TTC7B: variants seen among roughly 807,000 people sequenced by gnomAD.
TTC7B encodes tetratricopeptide repeat protein 7B.
Under a neutral mutation model 106.8 loss-of-function variants are expected in TTC7B, and 28 were observed. That is an observed-to-expected ratio of 0.26 (90% CI 0.19 to 0.36). The LOEUF (loss-of-function observed/expected upper bound fraction) is 0.36. Ranked by LOEUF, TTC7B falls within the 10% of genes least tolerant of loss-of-function variation. The pLI is 1.00. For synonymous variants in TTC7B, 405 were observed against 430.6 expected, an observed-to-expected ratio of 0.94 and a Z score of 0.74; for missense variants, 862 against 1,076.4, an observed-to-expected ratio of 0.80 and a Z score of 2.79.
intron 3 of TTC7B, among the ~76,000 whole-genome samples, chr14:90,773,580 C>T (rs1178391898): frequency 6.6e-6 from 1 of 152,202 alleles, no homozygotes; most frequent in Non-Finnish European, 1.5e-5. Flanking sequence ...ATGCCAGACT[C>T]TCCATCAGCG....
At position 90,739,706 on chromosome 14, in the gene TTC7B, G is replaced by C. The variant is rs543930771; in HGVS notation, c.576+5086C>G. Among the ~76,000 whole-genome samples the C allele has an allele frequency of 2.0e-5, 3 of 152,274 alleles. No individual in the cohort carries two copies. In the South Asian group the frequency reaches 6.2e-4, roughly 32 times the overall value. On this transcript the variant is annotated intron_variant, in intron 4 of 19. Transcript: ENST00000328459. The stretch of plus-strand genomic sequence containing the variant: ...AGCATTAACTTCTTTTCTAAAATAG[G>C]GTGTAGAGAAATGAACTGTCAGCAG...
chr14:90,566,753 T>C (rs1477294129), intron 19 of TTC7B, among the ~76,000 whole-genome samples: 4 of 152,188 alleles, frequency 2.6e-5, no homozygotes, highest in African/African-American at 9.6e-5. Flanking sequence ...TCTAGAGCCC[T>C]GGAACCCTGG....
intron 19 of TTC7B, among the ~76,000 whole-genome samples, chr14:90,569,007 T>C (rs1890914458): frequency 6.6e-6 from 1 of 152,154 alleles, no homozygotes; most frequent in East Asian, 1.9e-4. Flanking sequence ...CCCCACTCAA[T>C]CCTCTCCACT....
chr14:90,596,294 C>T (rs1040098715), intron 17 of TTC7B, among the ~76,000 whole-genome samples: 11 of 152,154 alleles, frequency 7.2e-5, no homozygotes, highest in Admixed American at 3.3e-4. Flanking sequence ...TTTGGATTAA[C>T]TGTTTTGTTT....
Position 90,678,138 on chromosome 14 carries a change from G to A in TTC7B, c.1015-1478C>T, listed in dbSNP as rs77353109. Among the ~76,000 whole-genome samples the A allele has an allele frequency of 6.9e-3, 1,056 of 152,282 alleles. 10 individuals carry two copies. The highest frequency in any genetic ancestry group is 0.024 in the African/African-American group (1,004 of 41,554). ...ACTAAATGCATTCTTTTCATTTTTA[G>A]AGAAAGTATCAGTATCTTTTGATTA... On this transcript the variant is annotated intron_variant, in intron 8 of 19. Coordinates refer to ENST00000328459, the MANE Select transcript of TTC7B (RefSeq NM_001010854.2).
intron 3 of TTC7B, among the ~76,000 whole-genome samples, chr14:90,763,993 A>G (rs1188564292): frequency 6.6e-6 from 1 of 152,186 alleles, no homozygotes; most frequent in Non-Finnish European, 1.5e-5. Flanking sequence ...TTTATATGAA[A>G]TGTAAGCCAA....
intron 9 of TTC7B, among the ~76,000 whole-genome samples, chr14:90,662,762 T>G (rs1222432879): frequency 6.6e-6 from 1 of 152,246 alleles, no homozygotes; most frequent in Non-Finnish European, 1.5e-5. Flanking sequence ...AGAAACAGGC[T>G]AGTGAGTACT....
At chr14:90,769,993 A>T (rs1890810070) in intron 3 of TTC7B, among the ~76,000 whole-genome samples, 2 of 151,426 alleles carry the variant, frequency 1.3e-5, no homozygotes, top group South Asian at 4.2e-4. Context: ...TACAAAAAAT[A>T]AAAAAATTAG....
rs1237254901 is a variant in TTC7B at position 90,538,192 on chromosome 14, C to T, written c.*3176G>A. Reference sequence around the variant, plus strand: ...TCCACAATGACCCCAGGCAGGTGTCCTGCCGTCTTAGTGTCTAGCGTCTGC... The same window carrying T: ...TCCACAATGACCCCAGGCAGGTGTCTTGCCGTCTTAGTGTCTAGCGTCTGC... On this transcript the variant is annotated 3_prime_UTR_variant, in exon 20 of 20. Coordinates refer to ENST00000328459, the MANE Select transcript of TTC7B (RefSeq NM_001010854.2). 1.3e-5 allele frequency: 2 copies of T among 152,184 alleles called. No individual in the cohort carries two copies. Among genetic ancestry groups the T allele is most frequent in the African/African-American group, 4.8e-5 (2 of 41,404 alleles). 9.4% of individuals were successfully genotyped at this position (152,184 alleles called of 1,614,324 possible).
Position 90,659,861 on chromosome 14 carries a change from T to G in TTC7B, c.1153-1474A>C, listed in dbSNP as rs1029057371. Among the ~76,000 whole-genome samples, 4 of 152,260 alleles carry G rather than the reference T, an allele frequency of 2.6e-5. No homozygotes were observed. The East Asian group carries it at 7.7e-4, about 29-fold the overall frequency. ...CTCGCTAACATGAGCAGAACCAGCA[T>G]GCAGAGTGAAGACTCTGGGGAGATA... On this transcript the variant is annotated intron_variant, in intron 9 of 19. Transcript: ENST00000328459.
At chr14:90,620,892 G>T (rs185535312) in intron 15 of TTC7B, among the ~76,000 whole-genome samples, 29 of 152,304 alleles carry the variant, frequency 1.9e-4, no homozygotes, top group African/African-American at 6.7e-4. Context: ...GAAAAGGTGT[G>T]GGCTTGCATT....
chr14:90,816,403 G>T lies in TTC7B; in HGVS notation c.-108C>A. 1 of 576,170 alleles carries T rather than the reference G, an allele frequency of 1.7e-6. No homozygotes were observed. The highest frequency in any genetic ancestry group is 7.3e-5 in the South Asian group (1 of 13,716). The allele number at this position is 576,170 out of a possible 1,614,324, so 35.7% of individuals were successfully genotyped here. A position where few individuals can be genotyped will look rare whatever the true frequency, so the allele number is the denominator to read the frequency against. ...CCGCGGGCTCGGGCTCCGGCTCCCG[G>T]CTCCGCGGCGTAACGGGAGCGCCGG... On this transcript the variant is annotated 5_prime_UTR_variant, in exon 1 of 20. Transcript: ENST00000328459.
intron 6 of TTC7B, among the ~76,000 whole-genome samples, chr14:90,693,908 T>G (rs949787268): frequency 6.1e-4 from 93 of 152,298 alleles, no homozygotes; most frequent in African/African-American, 2.1e-3. Context: ...TGTACATGAA[T>G]GTTCGTAGCA....
chr14:90,628,948 T>A (rs1200175857), intron 15 of TTC7B, among the ~76,000 whole-genome samples: 1 of 152,256 alleles, frequency 6.6e-6, no homozygotes, highest in Non-Finnish European at 1.5e-5. Flanking sequence ...GAGCGATTCT[T>A]CGGAGGCATA....
intron 15 of TTC7B, among the ~76,000 whole-genome samples, chr14:90,622,931 C>T (rs1422851268): frequency 3.3e-5 from 5 of 152,142 alleles, no homozygotes; most frequent in Non-Finnish European, 7.3e-5. Flanking sequence ...GTCCATTGCC[C>T]ATCACCTACG....
At chr14:90,778,322 G>A (rs757943598) in intron 3 of TTC7B, among the ~76,000 whole-genome samples, 8 of 152,088 alleles carry the variant, frequency 5.3e-5, no homozygotes, top group East Asian at 1.9e-4. Context: ...GGCCAGGCTC[G>A]GGGCCCAAGT....
chr14:90,602,624 C>T (rs925437766), intron 17 of TTC7B, among the ~76,000 whole-genome samples: 10 of 151,704 alleles, frequency 6.6e-5, no homozygotes, highest in Admixed American at 3.3e-4. Context: ...TCACTTGAGC[C>T]CTGGGGTTCC....
At chr14:90,643,441 G>T (rs1307537073) in intron 15 of TTC7B, among the ~76,000 whole-genome samples, 1 of 151,992 alleles carries the variant, frequency 6.6e-6, no homozygotes, top group African/African-American at 2.4e-5. Flanking sequence ...TATTAAAAAT[G>T]TTCATCCACA....
chr14:90,775,775 C>G (rs2140030715), intron 3 of TTC7B, among the ~76,000 whole-genome samples: 1 of 152,256 alleles, frequency 6.6e-6, no homozygotes, highest in East Asian at 1.9e-4. Flanking sequence ...TGGGAGATGA[C>G]TGTGCTGGTG....
Sources: allele counts gnomAD v4.1 joint callset (sites outside exome capture counted in the v4.1 genomes callset), GRCh38; gene constraint gnomAD v4.1.1; transcripts MANE v1.5; gene names NCBI Gene and HGNC (gene_info 2026-07-23, HGNC 2026-07-21).